The following HDAC3 variants were observed in gnomAD, a reference collection of about 807,000 sequenced individuals.
HDAC3 encodes SMAP45.
A neutral mutation model predicts 62.3 loss-of-function variants in HDAC3; 21 were observed. The ratio of observed to expected loss-of-function variants is 0.34; its 90% CI spans 0.24 to 0.49. HDAC3 has a LOEUF of 0.49. Ranked by LOEUF, HDAC3 falls within the 20% of genes least tolerant of loss-of-function variation. The pLI is 0.99. For synonymous variants in HDAC3, 198 were observed against 206.5 expected (o/e 0.96, Z 0.35); for missense variants, 270 against 556.9 (o/e 0.48, Z 5.19).
intron 3 of HDAC3, among the ~76,000 whole-genome samples, chr5:141,631,080 A>G (rs1479709182): frequency 6.6e-6 from 1 of 152,044 alleles, no homozygotes; most frequent in Non-Finnish European, 1.5e-5. Context: ...TATAAACCTG[A>G]CTTTTTAAAA....
At chr5:141,631,918 A>G (rs1010848845) in intron 3 of HDAC3, among the ~76,000 whole-genome samples, 1 of 152,114 alleles carries the variant, frequency 6.6e-6, no homozygotes, top group African/African-American at 2.4e-5. Context: ...TAATATTATT[A>G]TTTAGAAATC....
At chr5:141,624,924 A>G in intron 14 of HDAC3, 1 of 326,126 alleles carries the variant, frequency 3.1e-6, no homozygotes, top group Non-Finnish European at 5.6e-6. Flanking sequence ...CTATAGAAAA[A>G]GGTCTATCCA....
rs1247712110 is a variant in HDAC3, at chr5:141,629,288, G to A, written c.495C>T (p.Leu165=). Residue 165 remains leucine (L), a synonymous_variant, in exon 7 of 15, where the codon CTC becomes CTT. Coordinates refer to ENST00000305264, the MANE Select transcript of HDAC3 (RefSeq NM_003883.4). The surrounding 1 kb of genome is among the most constrained non-coding windows in gnomAD (Gnocchi z 5.3). The part of the protein sequence containing the change: ...LELLKYHPRV[L]YIDIDIHHGD... ...CATGGTGGATGTCAATGTCAATGTAGAGCACCCGAGGGTGGTACCTAGAGG... is the reference window on the plus strand; with the variant it reads ...CATGGTGGATGTCAATGTCAATGTAAAGCACCCGAGGGTGGTACCTAGAGG... 10 of 1,614,188 alleles carry A rather than the reference G, an allele frequency of 6.2e-6. No individual in the cohort carries two copies. Among genetic ancestry groups the A allele is most frequent in the Non-Finnish European group, 7.6e-6 (9 of 1,180,032 alleles).
At chr5:141,630,469 T>C (rs2099905034) in intron 3 of HDAC3, among the ~76,000 whole-genome samples, 8 of 152,256 alleles carry the variant, frequency 5.3e-5, no homozygotes, top group Admixed American at 4.6e-4. Flanking sequence ...GTCTTCTCAG[T>C]GTAACAAATT....
rs1430097461 is a variant in HDAC3 at position 141,630,113 on chromosome 5, G to A, written c.294C>T (p.Pro98=). ...AACGCGAGCAGAACTCAAAGAGCCC[G>A]GGAAACACTGGGCTGCAGGGAAGAG... is the stretch of plus-strand genomic sequence containing the variant. ...FNVGDDCPVF[P]GLFEFCSRYT... Residue 98 remains proline (P), a synonymous_variant, in exon 4 of 15, where the codon CCC becomes CCT. Coordinates refer to ENST00000305264, the MANE Select transcript of HDAC3 (RefSeq NM_003883.4). 1.9e-6 allele frequency: 3 copies of A among 1,613,956 alleles called. No individual in the cohort carries two copies. Among genetic ancestry groups the A allele is most frequent in the Non-Finnish European group, 2.5e-6 (3 of 1,180,004 alleles).
In HDAC3 at chr5:141,636,822, C is replaced by CCGCCCGCCG; in HGVS notation, c.-41_-33dup. 5 of 1,480,896 alleles carry CCGCCCGCCG rather than the reference C, an allele frequency of 3.4e-6. No individual in the cohort carries two copies. The highest frequency in any genetic ancestry group is 4.5e-6 in the Non-Finnish European group (5 of 1,120,546). 91.7% of individuals were successfully genotyped at this position (1,480,896 alleles called of 1,614,324 possible). On this transcript the variant is annotated 5_prime_UTR_variant, in exon 1 of 15. Transcript: ENST00000305264. ...GGCGGGAGCAGGCCCCGCACCTCCG[C>CCGCCCGCCG]CGCCCGCCGCCCGCGGCCGCCGCCA... is the stretch of plus-strand genomic sequence containing the variant.
chr5:141,622,383 A>G (rs2099903828), intron 14 of HDAC3, among the ~76,000 whole-genome samples: 1 of 152,186 alleles, frequency 6.6e-6, no homozygotes, highest in Non-Finnish European at 1.5e-5. Flanking sequence ...AGGCAGGTGG[A>G]TCACAAGGTC....
In HDAC3 at chr5:141,628,085, C is replaced by T; in HGVS notation, c.765+29G>A. ...TCTCTTTCCCCAAGCCCAGGCAGAA[C>T]ACTCCTGAGGAGGAACTGACAGTAT... On this transcript the variant is annotated intron_variant, in intron 9 of 14. Coordinates refer to ENST00000305264, the MANE Select transcript of HDAC3 (RefSeq NM_003883.4). This position sits in a 1 kb window ranked among gnomAD's most constrained non-coding sequence, Gnocchi z 4.7. 1 of 1,610,362 alleles carries T rather than the reference C, an allele frequency of 6.2e-7. No individual in the cohort carries two copies. Among genetic ancestry groups the T allele is most frequent in the Non-Finnish European group, 8.5e-7 (1 of 1,176,544 alleles).
rs1184283290 is a variant in HDAC3 at position 141,621,463 on chromosome 5, C to T, written c.*5G>A. 1 of 1,613,568 alleles carries T rather than the reference C, an allele frequency of 6.2e-7. No homozygotes were observed. The highest frequency in any genetic ancestry group is 8.5e-7 in the Non-Finnish European group (1 of 1,179,508). ...TTCCTTGGGACACAGCATCCCAAGC[C>T]ACTCTTAAATCTCCACATCGCTTTC... On this transcript the variant is annotated 3_prime_UTR_variant, in exon 15 of 15. Transcript: ENST00000305264.
In HDAC3 at chr5:141,629,352, C is replaced by G. The variant is rs754059219; in HGVS notation, c.477-46G>C. On this transcript the variant is annotated intron_variant, in intron 6 of 14. Transcript: ENST00000305264. The surrounding 1 kb of genome is among the most constrained non-coding windows in gnomAD (Gnocchi z 5.3). ...GGGTCTGAGCTAGAAGTGAACCCCC[C>G]AACCCACTCCTCTCAAACACCGGGT... 1.2e-6 allele frequency: 2 copies of G among 1,611,858 alleles called. No individual in the cohort carries two copies. The highest frequency in any genetic ancestry group is 1.7e-6 in the Non-Finnish European group (2 of 1,178,814).
chr5:141,625,082 G>A lies in HDAC3; in HGVS notation c.1217+126C>T, dbSNP rs986888079. 1 of 874,496 alleles carries A rather than the reference G, an allele frequency of 1.1e-6. No homozygotes were observed. Among genetic ancestry groups the A allele is most frequent in the Non-Finnish European group, 1.7e-6 (1 of 577,896 alleles). The allele number at this position is 874,496 out of a possible 1,614,324, so 54.2% of individuals were successfully genotyped here. A position where few individuals can be genotyped will look rare whatever the true frequency, so the allele number is the denominator to read the frequency against. ...TAAAAATAACAAAGAAAAGAGTGAG[G>A]AAATTGTAGCAGACTAAAGGAGGTA... On this transcript the variant is annotated intron_variant, in intron 14 of 14. Coordinates refer to ENST00000305264, the MANE Select transcript of HDAC3 (RefSeq NM_003883.4). This position sits in a 1 kb window ranked among gnomAD's most constrained non-coding sequence, Gnocchi z 4.0.
rs1562369375 is a variant in HDAC3, at chr5:141,629,765, A to G, written c.421-26T>C. 1 of 1,613,834 alleles carries G rather than the reference A, an allele frequency of 6.2e-7. No homozygotes were observed. Among genetic ancestry groups the G allele is most frequent in the Non-Finnish European group, 8.5e-7 (1 of 1,179,746 alleles). ...CTATGGCAAGACAGTGGTCTCATAAAGAGAAGAGCAATTCCCCTCCCAGCT... is the reference window on the plus strand; with the variant it reads ...CTATGGCAAGACAGTGGTCTCATAAGGAGAAGAGCAATTCCCCTCCCAGCT... On this transcript the variant is annotated intron_variant, in intron 5 of 14. Coordinates refer to ENST00000305264, the MANE Select transcript of HDAC3 (RefSeq NM_003883.4). This position sits in a 1 kb window ranked among gnomAD's most constrained non-coding sequence, Gnocchi z 5.3.
At position 141,628,450 on chromosome 5, in the gene HDAC3, T is replaced by C; in HGVS notation, c.691+109A>G. On this transcript the variant is annotated intron_variant, in intron 8 of 14. Coordinates refer to ENST00000305264, the MANE Select transcript of HDAC3 (RefSeq NM_003883.4). The surrounding 1 kb of genome is among the most constrained non-coding windows in gnomAD (Gnocchi z 4.7). The stretch of plus-strand genomic sequence containing the variant: ...GATTCATGGTCCCTCTGAAGGCCAT[T>C]CATCCTTAAGGACAACTGGCCCAAC... 1.1e-6 allele frequency: 1 copy of C among 901,078 alleles called. No homozygotes were observed. The highest frequency in any genetic ancestry group is 1.8e-6 in the Non-Finnish European group (1 of 547,352). 55.8% of individuals were successfully genotyped at this position (901,078 alleles called of 1,614,324 possible).
At chr5:141,633,678 T>C (rs1008303073) in intron 3 of HDAC3, among the ~76,000 whole-genome samples, 13 of 151,908 alleles carry the variant, frequency 8.6e-5, no homozygotes, top group Non-Finnish European at 1.6e-4. Context: ...ATACAAAAAT[T>C]AGCCAGGCAT....
chr5:141,628,937 T>TAAACA lies in HDAC3; in HGVS notation c.610+231_610+235dup, dbSNP rs1323127685. Among the ~76,000 whole-genome samples, 2 of 151,908 alleles carry TAAACA rather than the reference T, an allele frequency of 1.3e-5. No homozygotes were observed. Among genetic ancestry groups the TAAACA allele is most frequent in the East Asian group, 1.9e-4 (1 of 5,166 alleles). ...ATAGCCATGAGGAGGAGGGAGGCAG[T>TAAACA]AAACAAAACAAAACAAAAAACCACA... On this transcript the variant is annotated intron_variant, in intron 7 of 14. Transcript: ENST00000305264. This position sits in a 1 kb window ranked among gnomAD's most constrained non-coding sequence, Gnocchi z 4.7.
chr5:141,627,242 TTTTG>T (rs1264900058), intron 10 of HDAC3, among the ~76,000 whole-genome samples: 1 of 152,112 alleles, frequency 6.6e-6, no homozygotes, highest in Admixed American at 6.5e-5. Flanking sequence ...GCCCAGCTGA[TTTTG>T]TTTTTTATTT....
chr5:141,632,985 A>C (rs1319494213), intron 3 of HDAC3, among the ~76,000 whole-genome samples: 1 of 152,240 alleles, frequency 6.6e-6, no homozygotes, highest in African/African-American at 2.4e-5. Context: ...TCCAATGACC[A>C]GTTATGTGAC....
intron 3 of HDAC3, among the ~76,000 whole-genome samples, chr5:141,630,627 T>C (rs2099905067): frequency 6.6e-6 from 1 of 152,234 alleles, no homozygotes. Context: ...ATGTCAGCTA[T>C]AATTATTACC....
At chr5:141,636,451 G>C (rs2099906023) in intron 2 of HDAC3, 97 bp downstream of exon 2, 1 of 1,050,366 alleles carries the variant, frequency 9.5e-7, no homozygotes, top group African/African-American at 1.6e-5. Context: ...GATACTCTAG[G>C]GGCGGGTCGC....
Sources: allele counts gnomAD v4.1 joint callset (sites outside exome capture counted in the v4.1 genomes callset), GRCh38; gene constraint gnomAD v4.1.1; non-coding constraint Gnocchi (gnomAD v3.1); transcripts MANE v1.5; gene names NCBI Gene and HGNC (gene_info 2026-07-23, HGNC 2026-07-21).